The following ZFP1 variants were observed in gnomAD, a reference collection of about 807,000 sequenced individuals.
The protein encoded by ZFP1 is ZFP1 zinc finger protein.
Under a neutral mutation model 38.5 loss-of-function variants are expected in ZFP1, and 32 were observed. The observed-to-expected ratio is 0.83, with a 90% confidence interval of 0.63 to 1.12. The LOEUF is 1.12. Ranked by LOEUF, ZFP1 falls within the 50% of genes most tolerant of loss-of-function variation. ZFP1 has a pLI of 0.00. For missense variants in ZFP1, 616 were observed against 480.8 expected, an observed-to-expected ratio of 1.28 and a Z score of -2.63; for synonymous variants, 245 against 168.8, an observed-to-expected ratio of 1.45 and a Z score of -3.50.
the ZFP1 span, among the ~76,000 whole-genome samples, chr16:75,127,406 C>T: frequency 1.3e-5 from 2 of 151,852 alleles, no homozygotes; most frequent in Admixed American, 6.6e-5. Flanking sequence ...AGAAAAAAAG[C>T]ATGAGCATGA....
chr16:75,156,731 G>A (rs769655390), intron 2 of ZFP1, among the ~76,000 whole-genome samples: 2 of 152,174 alleles, frequency 1.3e-5, no homozygotes, highest in Non-Finnish European at 2.9e-5. Context: ...CTGCATCTTG[G>A]TTCACTGGTG....
At chr16:75,166,534 T>C in intron 2 of ZFP1, 3 of 985,188 alleles carry the variant, frequency 3.0e-6, no homozygotes, top group Non-Finnish European at 3.6e-6. Flanking sequence ...TGGCCAATAG[T>C]GTTTTATTAA....
chr16:75,120,526 T>TG, the ZFP1 span, among the ~76,000 whole-genome samples: 518 of 151,680 alleles, frequency 3.4e-3, 5 homozygotes, highest in African/African-American at 0.011. Context: ...GGGTTTTTTT[T>TG]TGTTTTTTTT....
At chr16:75,145,481 G>A (rs188002268), upstream of ZFP1, among the ~76,000 whole-genome samples, 5 of 152,216 alleles carry the variant, frequency 3.3e-5, no homozygotes, top group East Asian at 3.9e-4. Context: ...CTGTTTTCAC[G>A]CCTGTACGTT....
chr16:75,142,606 A>G, the ZFP1 span, among the ~76,000 whole-genome samples: 1 of 152,152 alleles, frequency 6.6e-6, no homozygotes, highest in Non-Finnish European at 1.5e-5. Flanking sequence ...AAAATTCCCA[A>G]ACTTCACTTA....
At chr16:75,139,330 C>A in the ZFP1 span, among the ~76,000 whole-genome samples, 1 of 134,024 alleles carries the variant, frequency 7.5e-6, no homozygotes, top group East Asian at 2.5e-4. Context: ...GGTTGCGCCA[C>A]TGCACTCCAG....
rs2038343540 is a variant in ZFP1 at position 75,170,118 on chromosome 16, C to T, written c.1008C>T (p.Asn336=). The stretch of plus-strand genomic sequence containing the variant: ...AATGTGGAAAATCCTTTATCCAGAA[C>T]TCACAGCTCATCATACACATGAGAA... The part of the protein sequence containing the change: ...CSECGKSFIQ[N]SQLIIHMRTH... The change falls in exon 4 of 4, where the codon AAC becomes AAT. Residue 336 remains asparagine, a synonymous_variant. Transcript: ENST00000570010. 2 of 1,613,846 alleles carry T rather than the reference C, an allele frequency of 1.2e-6. No homozygotes were observed. Among genetic ancestry groups the T allele is most frequent in the East Asian group, 2.2e-5 (1 of 44,898 alleles).
At chr16:75,164,555 G>C (rs1461120479) in intron 2 of ZFP1, among the ~76,000 whole-genome samples, 3 of 151,954 alleles carry the variant, frequency 2.0e-5, no homozygotes, top group Non-Finnish European at 4.4e-5. Context: ...CTTAATTTTG[G>C]TTTTGGTACA....
intron 1 of ZFP1, among the ~76,000 whole-genome samples, chr16:75,150,485 C>A (rs1476522209): frequency 6.6e-6 from 1 of 152,180 alleles, no homozygotes; most frequent in Non-Finnish European, 1.5e-5. Flanking sequence ...TTGCAAAGTG[C>A]TGGGATCACA....
chr16:75,167,311 C>G (rs546583856), intron 3 of ZFP1, among the ~76,000 whole-genome samples: 1 of 152,260 alleles, frequency 6.6e-6, no homozygotes, highest in East Asian at 1.9e-4. Context: ...TTTCAAATCC[C>G]TAACACTTAA....
At chr16:75,129,084 C>G in the ZFP1 span, among the ~76,000 whole-genome samples, 3 of 152,222 alleles carry the variant, frequency 2.0e-5, no homozygotes, top group South Asian at 6.2e-4. Flanking sequence ...GCCACCGCGC[C>G]GGGCCAGCCA....
chr16:75,160,756 A>T (rs1567531927), intron 2 of ZFP1, among the ~76,000 whole-genome samples: 1 of 151,968 alleles, frequency 6.6e-6, no homozygotes. Flanking sequence ...CTCTTCTTCC[A>T]GGATGGCACT....
chr16:75,132,845 A>C, the ZFP1 span, among the ~76,000 whole-genome samples: 1 of 150,352 alleles, frequency 6.7e-6, no homozygotes, highest in African/African-American at 2.5e-5. Flanking sequence ...TTTTTAGTAG[A>C]GATGAAGTTT....
At chr16:75,130,206 G>A in the ZFP1 span, among the ~76,000 whole-genome samples, 4 of 152,046 alleles carry the variant, frequency 2.6e-5, no homozygotes, top group Non-Finnish European at 5.9e-5. Context: ...TCACCATGTT[G>A]GCCCGACTGG....
the ZFP1 span, among the ~76,000 whole-genome samples, chr16:75,126,656 G>A: frequency 2.6e-5 from 4 of 152,314 alleles, no homozygotes; most frequent in Non-Finnish European, 5.9e-5. Context: ...ACCCACCTTG[G>A]CCTCCTTAAA....
intron 2 of ZFP1, 82 bp from the exon 3 acceptor site, chr16:75,166,685 CATG>C (rs2038101366): frequency 6.3e-7 from 1 of 1,597,592 alleles, no homozygotes; most frequent in Non-Finnish European, 8.5e-7. Flanking sequence ...TATAGATTTT[CATG>C]ATGAATGACA....
the ZFP1 span, among the ~76,000 whole-genome samples, chr16:75,140,033 C>T: frequency 6.6e-6 from 1 of 152,070 alleles, no homozygotes; most frequent in Non-Finnish European, 1.5e-5. Flanking sequence ...TTTTGGGAAG[C>T]CAAGGTGGGA....
At chr16:75,121,770 C>G in the ZFP1 span, among the ~76,000 whole-genome samples, 2 of 152,070 alleles carry the variant, frequency 1.3e-5, no homozygotes, top group Non-Finnish European at 2.9e-5. Flanking sequence ...AATGCTTTAT[C>G]AGGAAAAAAG....
At chr16:75,125,566 A>G in the ZFP1 span, among the ~76,000 whole-genome samples, 15 of 152,156 alleles carry the variant, frequency 9.9e-5, no homozygotes, top group South Asian at 2.9e-3. Context: ...TCAAGTGATC[A>G]CCCACCTGGG....
Sources: gnomAD v4.1 joint callset for allele counts (sites outside exome capture counted in the v4.1 genomes callset) on GRCh38, gnomAD v4.1.1 for gene constraint, MANE v1.5 for transcripts, NCBI Gene and HGNC (gene_info 2026-07-23, HGNC 2026-07-21) for gene names.